The following CACNA2D3 variants were observed in gnomAD, a reference collection of about 807,000 sequenced individuals.
The protein encoded by CACNA2D3 is calcium voltage-gated channel auxiliary subunit alpha2delta 3, also known as voltage-dependent calcium channel subunit alpha-2/delta-3.
In CACNA2D3, 60 loss-of-function variants were observed where a neutral mutation model predicts 160.6. That is an observed-to-expected ratio of 0.37 (90% confidence interval 0.30 to 0.46). The LOEUF (loss-of-function observed/expected upper bound fraction) is 0.46. Ranked by LOEUF, CACNA2D3 falls within the 20% of genes least tolerant of loss-of-function variation. CACNA2D3 has a pLI of 1.00. For missense variants in CACNA2D3, 1,205 were observed against 1,365.0 expected (o/e 0.88, Z 1.85); for synonymous variants, 558 against 492.9 (o/e 1.13, Z -1.75).
chr3:54,874,053 G>T (rs1413159987), intron 18 of CACNA2D3, among the ~76,000 whole-genome samples: 1 of 152,128 alleles, frequency 6.6e-6, no homozygotes, highest in African/African-American at 2.4e-5. Context: ...CAGATGCAGA[G>T]AATTTCTTGG....
At chr3:54,933,668 T>A (rs910399832) in intron 27 of CACNA2D3, among the ~76,000 whole-genome samples, 3 of 152,202 alleles carry the variant, frequency 2.0e-5, no homozygotes. Context: ...GACATTAAGT[T>A]TCAAATGACC....
intron 11 of CACNA2D3, among the ~76,000 whole-genome samples, chr3:54,662,598 C>T (rs146775678): frequency 2.0e-5 from 3 of 152,284 alleles, no homozygotes; most frequent in African/African-American, 7.2e-5. Flanking sequence ...ATATCCAAGC[C>T]CCTGCCTCCT....
chr3:54,646,525 G>A (rs1699655077), intron 11 of CACNA2D3, among the ~76,000 whole-genome samples: 1 of 151,918 alleles, frequency 6.6e-6, no homozygotes, highest in Non-Finnish European at 1.5e-5. Flanking sequence ...GCATTAGTTT[G>A]CTGAGGATAA....
At chr3:54,153,787 A>C (rs888082664) in intron 2 of CACNA2D3, among the ~76,000 whole-genome samples, 1 of 152,202 alleles carries the variant, frequency 6.6e-6, no homozygotes, top group Admixed American at 6.5e-5. Context: ...GGAAGTTCCA[A>C]CCCACTAAAT....
chr3:54,819,392 T>TGA (rs1703534265), intron 14 of CACNA2D3, among the ~76,000 whole-genome samples: 2 of 152,186 alleles, frequency 1.3e-5, no homozygotes, highest in South Asian at 4.1e-4. Context: ...TGGCTTGACT[T>TGA]GACCCCTGGT....
chr3:54,359,365 G>C (rs556845040), intron 3 of CACNA2D3, among the ~76,000 whole-genome samples: 65 of 152,312 alleles, frequency 4.3e-4, no homozygotes, highest in African/African-American at 1.5e-3. Flanking sequence ...GAATTTGTCA[G>C]GCATGGGTAG....
intron 27 of CACNA2D3, among the ~76,000 whole-genome samples, chr3:54,900,231 T>G (rs1355555866): frequency 6.6e-6 from 1 of 152,152 alleles, no homozygotes. Context: ...ACAAGGAAAT[T>G]GCAGGTTTGT....
At chr3:55,051,791 G>C (rs928040729) in intron 35 of CACNA2D3, among the ~76,000 whole-genome samples, 1 of 152,180 alleles carries the variant, frequency 6.6e-6, no homozygotes, top group East Asian at 1.9e-4. Flanking sequence ...AGCCAGGTGT[G>C]GGATATAATC....
rs145538001 is a variant in CACNA2D3, at chr3:54,474,172, G to T, written c.382-29320G>T. ...CCAAATGCCCATCAGTGATGGACAG[G>T]ATAAAGAAAATGTAGCACATATACA... On this transcript the variant is annotated intron_variant, in intron 4 of 37. Coordinates refer to ENST00000474759, the MANE Select transcript of CACNA2D3 (RefSeq NM_018398.3). 3.9e-3 allele frequency among the ~76,000 whole-genome samples: 594 copies of T among 152,276 alleles called. 6 individuals carry two copies. The highest frequency in any genetic ancestry group is 4.1e-3 in the Admixed American group (62 of 15,302).
intron 34 of CACNA2D3, among the ~76,000 whole-genome samples, chr3:55,016,104 A>G (rs1166112499): frequency 6.6e-6 from 1 of 152,188 alleles, no homozygotes; most frequent in Non-Finnish European, 1.5e-5. Flanking sequence ...CCAATGAGCT[A>G]GCATCTTGGG....
At chr3:55,021,621 GTGTGTATATATATATATATATA>G (rs550595622) in intron 35 of CACNA2D3, among the ~76,000 whole-genome samples, 45 of 137,186 alleles carry the variant, frequency 3.3e-4, no homozygotes, top group Non-Finnish European at 4.6e-4. Flanking sequence ...ATATATGTGT[GTGTGTATATATATATATATATA>G]TGTGTATATA....
At chr3:54,746,954 C>T (rs561593565) in intron 11 of CACNA2D3, among the ~76,000 whole-genome samples, 2 of 152,258 alleles carry the variant, frequency 1.3e-5, no homozygotes, top group East Asian at 3.9e-4. Flanking sequence ...CTGCCTTCTT[C>T]GGTTGACACA....
chr3:54,152,111 T>C (rs943894152), intron 2 of CACNA2D3, among the ~76,000 whole-genome samples: 1 of 152,234 alleles, frequency 6.6e-6, no homozygotes, highest in African/African-American at 2.4e-5. Context: ...TGACTTGTGT[T>C]TGGTTATCTG....
intron 31 of CACNA2D3, among the ~76,000 whole-genome samples, chr3:54,991,564 C>T (rs553886074): frequency 2.0e-5 from 3 of 150,800 alleles, no homozygotes; most frequent in African/African-American, 7.5e-5. Flanking sequence ...AAAATCCTTT[C>T]ATTAGAATTT....
chr3:54,919,029 T>A, intron 27 of CACNA2D3: 3 of 672,558 alleles, frequency 4.5e-6, no homozygotes, highest in Non-Finnish European at 6.8e-6. Context: ...TCAAAGAATT[T>A]AACAACCATA....
At chr3:54,737,335 TAAG>T (rs2107032179) in intron 11 of CACNA2D3, among the ~76,000 whole-genome samples, 1 of 151,930 alleles carries the variant, frequency 6.6e-6, no homozygotes, top group Admixed American at 6.6e-5. Context: ...TTATGATAGA[TAAG>T]GAGAGGAGGA....
intron 3 of CACNA2D3, among the ~76,000 whole-genome samples, chr3:54,380,426 A>G (rs1377368271): frequency 1.3e-5 from 2 of 152,202 alleles, no homozygotes; most frequent in African/African-American, 4.8e-5. Context: ...CAAATGGTGT[A>G]ACTCCAACTC....
At chr3:54,792,473 A>G (rs1158358029) in intron 13 of CACNA2D3, among the ~76,000 whole-genome samples, 1 of 152,116 alleles carries the variant, frequency 6.6e-6, no homozygotes, top group Non-Finnish European at 1.5e-5. Flanking sequence ...ATAAAACTGA[A>G]ATGTCAAAGT....
chr3:55,073,174 C>G (rs1704854379), intron 35 of CACNA2D3, among the ~76,000 whole-genome samples: 1 of 152,268 alleles, frequency 6.6e-6, no homozygotes, highest in East Asian at 1.9e-4. Flanking sequence ...CCAACTCTGA[C>G]TCTTGTGTTT....
Sources: allele counts gnomAD v4.1 joint callset (sites outside exome capture counted in the v4.1 genomes callset), GRCh38; gene constraint gnomAD v4.1.1; transcripts MANE v1.5; gene names NCBI Gene and HGNC (gene_info 2026-07-23, HGNC 2026-07-21).